The following NAV2 variants were observed in gnomAD, a reference collection of about 807,000 sequenced individuals.
NAV2 encodes the protein neuron navigator 2, also known as helicase, APC down-regulated 1.
NAV2 carries 54 observed loss-of-function variants against 223.2 expected under a neutral mutation model. The observed-to-expected ratio is 0.24, with a 90% CI of 0.19 to 0.30. The LOEUF is 0.30. Ranked by LOEUF, NAV2 falls within the 10% of genes least tolerant of loss-of-function variation. The pLI, the probability that NAV2 is intolerant of heterozygous loss-of-function variation, is 1.00. For synonymous variants in NAV2, 1,279 were observed against 1,239.3 expected (o/e 1.03, Z -0.67); for missense variants, 2,806 against 3,147.5 (o/e 0.89, Z 2.60).
intron 11 of NAV2, among the ~76,000 whole-genome samples, chr11:20,031,671 G>C (rs2055757561): frequency 6.6e-6 from 1 of 152,086 alleles, no homozygotes; most frequent in Admixed American, 6.6e-5. Context: ...CCTTCTCAGG[G>C]AAGTGAGAAT....
Position 19,599,490 on chromosome 11 carries a change from CT to C in NAV2, c.76-232991del, listed in dbSNP as rs1334854343. Among the ~76,000 whole-genome samples the C allele has an allele frequency of 2.0e-5, 3 of 152,302 alleles. No individual in the cohort carries two copies. In the South Asian group the frequency reaches 6.2e-4, roughly 32 times the overall value. On this transcript the variant is annotated intron_variant, in intron 1 of 37. Transcript: ENST00000360655. Reference sequence around the variant, plus strand: ...ACTTCATCTCAGACACAAAGGCGTTCTTTGAAGGTACAAAGGGTTTAGTATT... The same window carrying C: ...ACTTCATCTCAGACACAAAGGCGTTCTTGAAGGTACAAAGGGTTTAGTATT...
chr11:19,950,911 A>T (rs1001481581), intron 10 of NAV2, among the ~76,000 whole-genome samples: 5 of 152,228 alleles, frequency 3.3e-5, no homozygotes, highest in Middle Eastern at 3.2e-3. Context: ...GTATGATCTA[A>T]TGCTAGCAGA....
intron 1 of NAV2, among the ~76,000 whole-genome samples, chr11:19,634,600 C>T (rs992695584): frequency 2.0e-5 from 3 of 152,186 alleles, no homozygotes; most frequent in African/African-American, 7.2e-5. Context: ...AAAACATTTA[C>T]TCAACTGCTA....
chr11:19,823,344 A>AT (rs2059477669), intron 1 of NAV2, among the ~76,000 whole-genome samples: 1 of 152,144 alleles, frequency 6.6e-6, no homozygotes, highest in African/African-American at 2.4e-5. Flanking sequence ...AGTAGCTGGG[A>AT]TTATGGGTGC....
chr11:20,032,798 T>G (rs779925921), intron 11 of NAV2, among the ~76,000 whole-genome samples: 3 of 152,224 alleles, frequency 2.0e-5, no homozygotes, highest in Non-Finnish European at 4.4e-5. Context: ...GTGGTGAGTT[T>G]GCAGCAGAAA....
At chr11:19,773,739 G>A (rs569116066) in intron 1 of NAV2, among the ~76,000 whole-genome samples, 1 of 152,064 alleles carries the variant, frequency 6.6e-6, no homozygotes, top group Non-Finnish European at 1.5e-5. Context: ...ATTACCCTTT[G>A]GAACCATCTG....
chr11:19,570,725 C>T (rs181316675), intron 1 of NAV2, among the ~76,000 whole-genome samples: 54 of 152,238 alleles, frequency 3.5e-4, no homozygotes, highest in African/African-American at 1.1e-3. Flanking sequence ...AAGTCAAAAC[C>T]GCCATGAAAT....
At chr11:19,445,750 G>C (rs1851558712) in intron 1 of NAV2, among the ~76,000 whole-genome samples, 3 of 113,928 alleles carry the variant, frequency 2.6e-5, no homozygotes, top group Non-Finnish European at 5.3e-5. Context: ...CTGGGCCTCT[G>C]ATTTTTTTTT....
chr11:19,574,335 T>C (rs1055508089), intron 1 of NAV2, among the ~76,000 whole-genome samples: 1 of 152,208 alleles, frequency 6.6e-6, no homozygotes, highest in Non-Finnish European at 1.5e-5. Flanking sequence ...ATCTGTAAAA[T>C]GAGAGGTTTC....
In NAV2 at chr11:19,484,931, G is replaced by C. The variant is rs939355932; in HGVS notation, c.75+133904G>C. 2.4e-4 allele frequency among the ~76,000 whole-genome samples: 37 copies of C among 152,212 alleles called. 1 individual carries two copies. Among genetic ancestry groups the C allele is most frequent in the African/African-American group, 8.9e-4 (37 of 41,458 alleles). ...ACCCTGTGTGGTGAATGAATGTGCA[G>C]TTCCTCAGATGTAGAACAATCCTCT... On this transcript the variant is annotated intron_variant, in intron 1 of 37. Coordinates refer to the NAV2 transcript ENST00000360655.
intron 6 of NAV2, among the ~76,000 whole-genome samples, chr11:19,915,051 A>G (rs1591219652): frequency 6.6e-6 from 1 of 152,096 alleles, no homozygotes; most frequent in Non-Finnish European, 1.5e-5. Context: ...TTCAGAACAT[A>G]CCCTTAAGAG....
intron 1 of NAV2, among the ~76,000 whole-genome samples, chr11:19,427,573 G>A (rs571103323): frequency 6.6e-6 from 1 of 152,298 alleles, no homozygotes; most frequent in Non-Finnish European, 1.5e-5. Context: ...GAAGTCAAAT[G>A]GCTTCCTGGC....
chr11:20,090,809 G>C, intron 26 of NAV2, 56 bp from the exon 27 acceptor site: 1 of 1,573,318 alleles, frequency 6.4e-7, no homozygotes, highest in Non-Finnish European at 8.7e-7. Flanking sequence ...GTGGACCAGT[G>C]TTCAGTAGGG....
intron 35 of NAV2, among the ~76,000 whole-genome samples, chr11:20,107,057 ATTTTT>A (rs10590815): frequency 1.1e-3 from 30 of 27,246 alleles, no homozygotes; most frequent in African/African-American, 2.2e-3. Context: ...ATGGGCTTCC[ATTTTT>A]TTTTTTTTTT....
intron 1 of NAV2, among the ~76,000 whole-genome samples, chr11:19,807,896 C>T (rs1243049068): frequency 6.6e-6 from 1 of 152,178 alleles, no homozygotes; most frequent in African/African-American, 2.4e-5. Context: ...GCATATTTGT[C>T]CTGTGCTTGC....
intron 1 of NAV2, among the ~76,000 whole-genome samples, chr11:19,692,068 G>A (rs367681700): frequency 6.6e-6 from 1 of 152,346 alleles, no homozygotes; most frequent in East Asian, 1.9e-4. Flanking sequence ...AAGTGCCAGC[G>A]TGACATCTGT....
chr11:19,860,566 G>T (rs2061700748), intron 3 of NAV2, among the ~76,000 whole-genome samples: 1 of 150,134 alleles, frequency 6.7e-6, no homozygotes, highest in Non-Finnish European at 1.5e-5. Flanking sequence ...CAGGCAGAGG[G>T]GCTCCTCACA....
At chr11:19,749,253 G>A (rs746865058) in intron 1 of NAV2, among the ~76,000 whole-genome samples, 2 of 152,106 alleles carry the variant, frequency 1.3e-5, no homozygotes, top group African/African-American at 4.8e-5. Context: ...GACTCACTGC[G>A]CCTTCAAGAT....
intron 1 of NAV2, among the ~76,000 whole-genome samples, chr11:19,728,705 G>C (rs2051465921): frequency 6.6e-6 from 1 of 152,210 alleles, no homozygotes; most frequent in Non-Finnish European, 1.5e-5. Context: ...TGGCATGTGA[G>C]TACACCGTAA....
Sources: gnomAD v4.1 joint callset for allele counts (sites outside exome capture counted in the v4.1 genomes callset) on GRCh38, gnomAD v4.1.1 for gene constraint, MANE v1.5 for transcripts, NCBI Gene and HGNC (gene_info 2026-07-23, HGNC 2026-07-21) for gene names.